Variants in RASEF observed in about 807,000 individuals in gnomAD.
RASEF encodes ras and EF-hand domain-containing protein.
In RASEF, 68 loss-of-function variants were observed where a neutral mutation model predicts 90.1. The ratio of observed to expected loss-of-function variants is 0.75; its 90% confidence interval spans 0.62 to 0.92. RASEF has a LOEUF of 0.92. Among genes scored for constraint, RASEF ranks in the 40% least tolerant of loss-of-function variants. The pLI is 0.00. For synonymous variants in RASEF, 331 were observed against 345.2 expected (o/e 0.96, Z 0.46); for missense variants, 949 against 937.2 (o/e 1.01, Z -0.16).
the RASEF span, among the ~76,000 whole-genome samples, chr9:83,188,929 C>T: frequency 2.0e-5 from 3 of 152,154 alleles, no homozygotes; most frequent in African/African-American, 7.2e-5. Context: ...AGGAGAGACC[C>T]CAGCCACAGT....
intron 2 of RASEF, among the ~76,000 whole-genome samples, chr9:83,023,444 CT>C (rs1264067469): frequency 6.6e-6 from 1 of 152,148 alleles, no homozygotes; most frequent in Non-Finnish European, 1.5e-5. Flanking sequence ...TGATGGGTCT[CT>C]GCTATAGCAA....
chr9:83,001,795 T>C lies in RASEF; in HGVS notation c.1203-665A>G, dbSNP rs1225660211. Among the ~76,000 whole-genome samples, 3 of 152,120 alleles carry C rather than the reference T, an allele frequency of 2.0e-5. No homozygotes were observed. The East Asian group carries it at 5.8e-4, about 29-fold the overall frequency. On this transcript the variant is annotated intron_variant, in intron 9 of 16. Transcript: ENST00000376447. ...ATGATAGGCAATTAGAAACATCTGATAAAAATAAGCAATTAGAAACATGAC... is the reference window on the plus strand; with the variant it reads ...ATGATAGGCAATTAGAAACATCTGACAAAAATAAGCAATTAGAAACATGAC...
the RASEF span, among the ~76,000 whole-genome samples, chr9:83,192,901 CA>C: frequency 6.6e-6 from 1 of 152,112 alleles, no homozygotes; most frequent in African/African-American, 2.4e-5. Context: ...CTATTTCTTA[CA>C]AAAATGACTT....
At chr9:82,994,906 A>G (rs751086537) in intron 14 of RASEF, among the ~76,000 whole-genome samples, 11 of 152,198 alleles carry the variant, frequency 7.2e-5, no homozygotes, top group East Asian at 1.9e-4. Context: ...GCTTACCCCA[A>G]TGATCACACC....
At chr9:83,210,083 G>A in the RASEF span, among the ~76,000 whole-genome samples, 1,536 of 152,244 alleles carry the variant, frequency 0.01, 22 homozygotes, top group African/African-American at 0.033. Context: ...AGATATTTGC[G>A]TCATGGAATT....
the RASEF span, among the ~76,000 whole-genome samples, chr9:83,101,889 G>C: frequency 6.6e-6 from 1 of 152,040 alleles, no homozygotes; most frequent in Admixed American, 6.5e-5. Context: ...TGAACTCATG[G>C]CCAACGGCAC....
the RASEF span, among the ~76,000 whole-genome samples, chr9:83,126,851 C>CT: frequency 6.6e-6 from 1 of 152,156 alleles, no homozygotes; most frequent in Non-Finnish European, 1.5e-5. Context: ...TATCATATTA[C>CT]TTTTTTTAAG....
At chr9:83,137,266 C>A in the RASEF span, among the ~76,000 whole-genome samples, 1 of 151,932 alleles carries the variant, frequency 6.6e-6, no homozygotes, top group African/African-American at 2.4e-5. Context: ...TTTTATGTAG[C>A]AAAATACTCT....
the RASEF span, among the ~76,000 whole-genome samples, chr9:83,179,414 C>T: frequency 6.6e-6 from 1 of 152,264 alleles, no homozygotes; most frequent in Non-Finnish European, 1.5e-5. Context: ...AAGCATCAGG[C>T]TGTTTCCTTC....
Position 83,012,394 on chromosome 9 carries a change from A to G in RASEF, c.843+40T>C, listed in dbSNP as rs756364162. On this transcript the variant is annotated intron_variant, in intron 5 of 16. Transcript: ENST00000376447. Reference sequence around the variant, plus strand: ...AATAAGAGCATGAGGATGTGGTCTAACAGGAAGTGCATTTCTGTAAGTGAA... The same window carrying G: ...AATAAGAGCATGAGGATGTGGTCTAGCAGGAAGTGCATTTCTGTAAGTGAA... 3 of 1,119,634 alleles carry G rather than the reference A, an allele frequency of 2.7e-6. No individual in the cohort carries two copies. In the South Asian group the frequency reaches 4.4e-5, roughly 17 times the overall value. 69.4% of individuals were successfully genotyped at this position (1,119,634 alleles called of 1,614,324 possible). A position where few individuals can be genotyped will look rare whatever the true frequency, so the allele number is the denominator to read the frequency against.
chr9:83,180,975 T>C, the RASEF span, among the ~76,000 whole-genome samples: 1 of 151,934 alleles, frequency 6.6e-6, no homozygotes, highest in Non-Finnish European at 1.5e-5. Context: ...TTCTGACACA[T>C]TCAAGTGATA....
chr9:83,041,952 T>C (rs1488295442), intron 1 of RASEF, among the ~76,000 whole-genome samples: 3 of 152,022 alleles, frequency 2.0e-5, no homozygotes, highest in Middle Eastern at 3.2e-3. Flanking sequence ...CCAAGAAAAG[T>C]CAAGAAAAGA....
the RASEF span, among the ~76,000 whole-genome samples, chr9:83,166,793 C>T: frequency 2.3e-3 from 352 of 152,286 alleles, 2 homozygotes; most frequent in African/African-American, 8.1e-3. Context: ...CATTCACATT[C>T]GGCTGTAGTG....
At position 83,062,430 on chromosome 9, in the gene RASEF, C is replaced by T. The variant is rs765904745; in HGVS notation, c.431+7G>A. 4 of 1,612,666 alleles carry T rather than the reference C, an allele frequency of 2.5e-6. No homozygotes were observed. Among genetic ancestry groups the T allele is most frequent in the South Asian group, 2.2e-5 (2 of 90,948 alleles). The stretch of plus-strand genomic sequence containing the variant: ...AATAACCTCCCGCCCCCAGCTCACA[C>T]TCGCACCTGGGAATGAACTTGGCTT... On this transcript the variant is annotated splice_region_variant and intron_variant, in intron 1 of 16. Coordinates refer to ENST00000376447, the MANE Select transcript of RASEF (RefSeq NM_152573.4).
the RASEF span, among the ~76,000 whole-genome samples, chr9:83,170,232 C>T: frequency 1.3e-5 from 2 of 151,834 alleles, no homozygotes. Flanking sequence ...AATGAGTTGG[C>T]TATACATGTA....
At chr9:83,084,452 C>T in the RASEF span, among the ~76,000 whole-genome samples, 1 of 152,152 alleles carries the variant, frequency 6.6e-6, no homozygotes, top group Non-Finnish European at 1.5e-5. Context: ...TCATGTCTTA[C>T]ATGAATTAAC....
intron 6 of RASEF, 130 bp downstream of exon 6, chr9:83,009,511 A>T: frequency 2.0e-6 from 1 of 512,130 alleles, no homozygotes; most frequent in Non-Finnish European, 3.4e-6. Context: ...CTGAAAATAA[A>T]ATCATTAGAA....
the RASEF span, among the ~76,000 whole-genome samples, chr9:83,217,811 G>T: frequency 0.12 from 18,464 of 152,082 alleles, 1,268 homozygotes; most frequent in East Asian, 0.16. Context: ...TGGGGAAGTG[G>T]GTCTTAAACT....
the RASEF span, among the ~76,000 whole-genome samples, chr9:83,184,865 T>C: frequency 6.6e-6 from 1 of 152,166 alleles, no homozygotes; most frequent in African/African-American, 2.4e-5. Context: ...GTTACTAATA[T>C]ATAATCAGCA....
Sources: gnomAD v4.1 joint callset for allele counts (sites outside exome capture counted in the v4.1 genomes callset) on GRCh38, gnomAD v4.1.1 for gene constraint, MANE v1.5 for transcripts, NCBI Gene and HGNC (gene_info 2026-07-23, HGNC 2026-07-21) for gene names.